KMT2E: variants seen among roughly 807,000 people sequenced by gnomAD.
KMT2E encodes the protein lysine methyltransferase 2E (inactive), also known as histone reader KMT2E.
Under a neutral mutation model 184.6 loss-of-function variants are expected in KMT2E, and 30 were observed. The observed-to-expected ratio is 0.16, with a 90% CI of 0.12 to 0.22. The LOEUF is 0.22. Among genes scored for constraint, KMT2E ranks in the 10% least tolerant of loss-of-function variants. The probability of loss-of-function intolerance (pLI) is 1.00; values close to 1 mark genes in which losing one functional copy is unlikely to be tolerated. For missense variants in KMT2E, 2,023 were observed against 2,237.4 expected (o/e 0.90, Z 1.93); for synonymous variants, 815 against 776.5 (o/e 1.05, Z -0.82).
rs1351392784 is a variant in KMT2E, at chr7:105,112,577, G to A, written c.4821G>A (p.Gly1607=). The A allele has an allele frequency of 6.2e-7, 1 of 1,613,732 alleles. No individual in the cohort carries two copies. Among genetic ancestry groups the A allele is most frequent in the Non-Finnish European group, 8.5e-7 (1 of 1,179,984 alleles). ...QTVPGHHVTP[G]HFLPSQNPTI... The stretch of plus-strand genomic sequence containing the variant: ...TTCCAGGACACCACGTGACTCCAGG[G>A]CATTTTTTGCCCTCTCAGAACCCTA... Residue 1607 remains glycine (G), a synonymous_variant, in exon 27 of 27, where the codon GGG becomes GGA. Coordinates refer to ENST00000311117, the MANE Select transcript of KMT2E (RefSeq NM_182931.3).
At chr7:105,023,358 C>G (rs1795031136) in intron 1 of KMT2E, among the ~76,000 whole-genome samples, 1 of 131,962 alleles carries the variant, frequency 7.6e-6, no homozygotes, top group African/African-American at 3.1e-5. Context: ...GCTGAGATTG[C>G]ACCATTGTAC....
intron 15 of KMT2E, among the ~76,000 whole-genome samples, chr7:105,092,667 T>C (rs1798250967): frequency 2.0e-5 from 3 of 152,220 alleles, no homozygotes; most frequent in South Asian, 4.1e-4. Context: ...TGAGATTCAA[T>C]TATATATAAG....
At chr7:105,096,918 T>G (rs1798434027) in intron 15 of KMT2E, among the ~76,000 whole-genome samples, 1 of 152,236 alleles carries the variant, frequency 6.6e-6, no homozygotes, top group Non-Finnish European at 1.5e-5. Flanking sequence ...GTGACCAGTT[T>G]ACTGTGATGA....
chr7:105,039,267 G>A (rs1795787992), intron 2 of KMT2E: 1 of 152,206 alleles, frequency 6.6e-6, no homozygotes, highest in Non-Finnish European at 1.5e-5. Context: ...CATCTCAAGT[G>A]TGGTGTGTAC....
intron 13 of KMT2E, among the ~76,000 whole-genome samples, chr7:105,088,216 A>G (rs539173265): frequency 1.2e-4 from 19 of 152,286 alleles, no homozygotes; most frequent in South Asian, 8.3e-4. Flanking sequence ...TTTGTGCTGC[A>G]TTACCTCACG....
chr7:105,102,070 A>C lies in KMT2E; in HGVS notation c.2072A>C (p.Asn691Thr). The part of the protein sequence containing the change: ...SPDIEVTSQQ[N>T]DIENTVLTIE... ...GATATAGAAGTTACTTCACAACAAA[A>C]TGATATTGAAAATACTGTACTTACA... Residue 691 changes from asparagine to threonine, a missense_variant, in exon 17 of 27, where the codon AAT (asparagine) becomes ACT (threonine). By Grantham distance (65) the Asn-to-Thr change is moderately conservative. Around this residue, in one of 8 missense-constraint regions of KMT2E, gnomAD observed 514 missense variants for 621.8 expected, o/e 0.83. Transcript: ENST00000311117. 1 of 1,613,896 alleles carries C rather than the reference A, an allele frequency of 6.2e-7. No homozygotes were observed. Among genetic ancestry groups the C allele is most frequent in the Non-Finnish European group, 8.5e-7 (1 of 1,179,808 alleles).
intron 1 of KMT2E, among the ~76,000 whole-genome samples, chr7:105,020,532 CT>C (rs2129563945): frequency 6.6e-6 from 1 of 152,304 alleles, no homozygotes; most frequent in African/African-American, 2.4e-5. Context: ...TTGCAGTGAG[CT>C]GAGATCGTGC....
intron 15 of KMT2E, 44 bp from the exon 16 acceptor site, chr7:105,101,381 G>T: frequency 1.5e-6 from 2 of 1,326,468 alleles, no homozygotes; most frequent in South Asian, 1.6e-5. Context: ...TTTTACTTTT[G>T]AGCATTGATA....
At chr7:105,021,445 A>T (rs1472695186) in intron 1 of KMT2E, among the ~76,000 whole-genome samples, 1 of 152,222 alleles carries the variant, frequency 6.6e-6, no homozygotes, top group African/African-American at 2.4e-5. Context: ...CCTTCTTAAA[A>T]GCCTGCTGTT....
chr7:105,103,319 G>T (rs1298049077), intron 17 of KMT2E: 1 of 152,136 alleles, frequency 6.6e-6, no homozygotes, highest in Non-Finnish European at 1.5e-5. Context: ...TTTGCCTGCA[G>T]ATTTTGTTAT....
chr7:105,106,392 T>C, intron 19 of KMT2E, 130 bp from the exon 20 acceptor site: 1 of 871,724 alleles, frequency 1.1e-6, no homozygotes, highest in Non-Finnish European at 1.8e-6. Context: ...TTTAAAACCG[T>C]GAAATTCAGT....
At chr7:105,051,570 C>T (rs1453729497) in intron 3 of KMT2E, among the ~76,000 whole-genome samples, 1 of 152,054 alleles carries the variant, frequency 6.6e-6, no homozygotes, top group African/African-American at 2.4e-5. Flanking sequence ...CCCCTTAACC[C>T]CTATGTCTAA....
intron 3 of KMT2E, among the ~76,000 whole-genome samples, chr7:105,059,043 A>G (rs1796686120): frequency 6.6e-6 from 1 of 152,230 alleles, no homozygotes; most frequent in African/African-American, 2.4e-5. Context: ...ATTTTTCTAT[A>G]GAATGAACAC....
chr7:105,021,563 C>A lies in KMT2E; in HGVS notation c.-189+7028C>A, dbSNP rs73421722. Among the ~76,000 whole-genome samples the A allele has an allele frequency of 2.2e-3, 339 of 152,244 alleles. 1 individual carries two copies. The highest frequency in any genetic ancestry group is 7.9e-3 in the African/African-American group (330 of 41,540). On this transcript the variant is annotated intron_variant, in intron 1 of 26. Transcript: ENST00000311117. The stretch of plus-strand genomic sequence containing the variant: ...TCACATAATTTATTTGAAGAAAGTA[C>A]AGATGGGCCTCACAGGAATTGGCAA...
chr7:105,112,198 A>C lies in KMT2E; in HGVS notation c.4442A>C (p.His1481Pro). Residue 1481 changes from histidine to proline, a missense_variant, in exon 27 of 27, where the codon CAT (histidine) becomes CCT (proline). Around this residue, in one of 8 missense-constraint regions of KMT2E, gnomAD observed 1,108 missense variants for 1,050.9 expected, o/e 1.05. Transcript: ENST00000311117. The stretch of plus-strand genomic sequence containing the variant: ...CAGTTAGGATCTCCCTACAGGCCTC[A>C]TCATTCACAGTCACCTCAAGTTGGA... Reference protein sequence around the residue: ...SQQLGSPYRPHHSQSPQVGTP... With the variant: ...SQQLGSPYRPPHSQSPQVGTP... 1 of 1,614,130 alleles carries C rather than the reference A, an allele frequency of 6.2e-7. No homozygotes were observed. Among genetic ancestry groups the C allele is most frequent in the Non-Finnish European group, 8.5e-7 (1 of 1,180,008 alleles).
chr7:105,072,777 T>C (rs1562907521), intron 6 of KMT2E, among the ~76,000 whole-genome samples: 1 of 151,970 alleles, frequency 6.6e-6, no homozygotes. Context: ...TAGCCAGGTG[T>C]GGTAGCACAT....
chr7:105,041,432 T>C (rs1447849659), intron 3 of KMT2E, among the ~76,000 whole-genome samples: 2 of 152,200 alleles, frequency 1.3e-5, no homozygotes, highest in African/African-American at 4.8e-5. Context: ...GATGGAGTTT[T>C]GCTGTGTCTC....
intron 5 of KMT2E, 106 bp from the exon 6 acceptor site, chr7:105,066,621 A>G (rs1199260067): frequency 1.3e-5 from 11 of 836,042 alleles, no homozygotes; most frequent in South Asian, 8.0e-5. Flanking sequence ...TAGGAGTACT[A>G]AGCTCAAAGT....
intron 1 of KMT2E, among the ~76,000 whole-genome samples, chr7:105,028,068 CATT>C (rs962590844): frequency 7.6e-4 from 103 of 136,032 alleles, no homozygotes; most frequent in African/African-American, 2.6e-3. Context: ...AGACAACTAA[CATT>C]AATAAATAAA....
Sources: allele counts gnomAD v4.1 joint callset (sites outside exome capture counted in the v4.1 genomes callset), GRCh38; gene constraint gnomAD v4.1.1; regional missense constraint gnomAD v4.1.1; transcripts MANE v1.5; gene names NCBI Gene and HGNC (gene_info 2026-07-23, HGNC 2026-07-21).